PTER: variants seen among roughly 807,000 people sequenced by gnomAD.
The protein encoded by PTER is N-acetyltaurine hydrolase.
In PTER, 38 loss-of-function variants were observed where a neutral mutation model predicts 29.6. The observed-to-expected ratio is 1.28, with a 90% confidence interval of 0.99 to 1.68. The LOEUF is 1.68. Among genes scored for constraint, PTER ranks in the 40% most tolerant of loss-of-function variants. The pLI, the probability that PTER is intolerant of heterozygous loss-of-function variation, is 0.00. For synonymous variants in PTER, 172 were observed against 154.5 expected, an observed-to-expected ratio of 1.11 and a Z score of -0.84; for missense variants, 482 against 427.8, an observed-to-expected ratio of 1.13 and a Z score of -1.12.
chr10:16,505,653 A>C (rs1836531860), intron 4 of PTER, among the ~76,000 whole-genome samples: 1 of 152,244 alleles, frequency 6.6e-6, no homozygotes, highest in Non-Finnish European at 1.5e-5. Flanking sequence ...GCAACCTTCC[A>C]AAACTGTATA....
At chr10:16,451,662 A>C (rs1342216452) in intron 1 of PTER, among the ~76,000 whole-genome samples, 1 of 152,234 alleles carries the variant, frequency 6.6e-6, no homozygotes, top group Admixed American at 6.5e-5. Context: ...CAGTGAGCCA[A>C]GATTGTGCCA....
At chr10:16,485,239 A>G (rs1285591514) in intron 2 of PTER, among the ~76,000 whole-genome samples, 2 of 152,158 alleles carry the variant, frequency 1.3e-5, no homozygotes, top group African/African-American at 2.4e-5. Flanking sequence ...GATTCACTGT[A>G]GGGTGAAACT....
rs548587869 is a variant in PTER, at chr10:16,446,198, T to C, written c.-49+9151T>C. 9.2e-5 allele frequency among the ~76,000 whole-genome samples: 14 copies of C among 151,366 alleles called. No homozygotes were observed. The South Asian group carries it at 2.9e-3, about 32-fold the overall frequency. On this transcript the variant is annotated intron_variant, in intron 1 of 4. Coordinates refer to ENST00000535784, the MANE Select transcript of PTER (RefSeq NM_001261836.2). ...AAGGCTCTTACAAATAGAGGTGCAA[T>C]GCACGCCACCCCACCCCCAACATTT...
At chr10:16,503,707 T>C (rs940947931) in intron 3 of PTER, among the ~76,000 whole-genome samples, 3 of 152,042 alleles carry the variant, frequency 2.0e-5, no homozygotes, top group African/African-American at 7.2e-5. Context: ...CACCCAGCCA[T>C]TTTTGTATTT....
chr10:16,452,252 C>A (rs1834240197), intron 1 of PTER, among the ~76,000 whole-genome samples: 1 of 148,156 alleles, frequency 6.7e-6, no homozygotes, highest in Non-Finnish European at 1.5e-5. Context: ...TATAATATCA[C>A]AGTTTTTGAA....
chr10:16,466,024 A>G (rs1834799802), intron 1 of PTER, among the ~76,000 whole-genome samples: 1 of 152,178 alleles, frequency 6.6e-6, no homozygotes, highest in African/African-American at 2.4e-5. Context: ...GGGGATTACA[A>G]TTTGAGATGA....
chr10:16,466,560 TG>T (rs1195992976), intron 1 of PTER, among the ~76,000 whole-genome samples: 2 of 152,214 alleles, frequency 1.3e-5, no homozygotes, highest in Non-Finnish European at 2.9e-5. Context: ...CTTGCCATGT[TG>T]GCCAGGCTGG....
chr10:16,472,782 T>C (rs1835101980), intron 1 of PTER, among the ~76,000 whole-genome samples: 1 of 152,222 alleles, frequency 6.6e-6, no homozygotes, highest in East Asian at 1.9e-4. Flanking sequence ...TTTTCTATTA[T>C]GTTGTGCCAT....
downstream of PTER, among the ~76,000 whole-genome samples, chr10:16,518,475 G>A (rs1312556326): frequency 6.6e-6 from 1 of 152,114 alleles, no homozygotes; most frequent in African/African-American, 2.4e-5. Flanking sequence ...GAATGTGTGT[G>A]CTAGTGTGAT....
intron 1 of PTER, among the ~76,000 whole-genome samples, chr10:16,475,276 T>C (rs949300878): frequency 1.3e-5 from 2 of 152,158 alleles, no homozygotes; most frequent in African/African-American, 4.8e-5. Flanking sequence ...ATTCTGCCAG[T>C]TGCATTTAGC....
At chr10:16,438,567 C>T (rs11253990) in intron 1 of PTER, among the ~76,000 whole-genome samples, 18,381 of 150,250 alleles carry the variant, frequency 0.12, 1,760 homozygotes, top group African/African-American at 0.25. Context: ...CCTCGGCCTC[C>T]CAAAGTGCTA....
At chr10:16,514,323 A>T (rs369496544), downstream of PTER, 9 of 582,986 alleles carry the variant, frequency 1.5e-5, no homozygotes, top group East Asian at 2.5e-4. Flanking sequence ...GCGGTAGTGG[A>T]TCACACATCT....
At chr10:16,507,019 C>G (rs959678562) in intron 4 of PTER, among the ~76,000 whole-genome samples, 14 of 151,366 alleles carry the variant, frequency 9.2e-5, no homozygotes, top group Admixed American at 7.9e-4. Context: ...AAAATGGGAA[C>G]AGTTCAAGAG....
At chr10:16,451,525 A>G (rs1438937088) in intron 1 of PTER, among the ~76,000 whole-genome samples, 1 of 152,176 alleles carries the variant, frequency 6.6e-6, no homozygotes, top group East Asian at 1.9e-4. Flanking sequence ...CCTGGCCAAC[A>G]TTACTAAACC....
intron 4 of PTER, among the ~76,000 whole-genome samples, 158 bp from the exon 5 acceptor site, chr10:16,510,888 C>G (rs1473006460): frequency 6.6e-6 from 1 of 152,078 alleles, no homozygotes; most frequent in African/African-American, 2.4e-5. Flanking sequence ...TTTATCGTCA[C>G]CACACAATAT....
Position 16,511,230 on chromosome 10 carries a change from C to A in PTER, c.1024C>A (p.Pro342Thr). The A allele has an allele frequency of 6.2e-7, 1 of 1,613,964 alleles. No individual in the cohort carries two copies. Among genetic ancestry groups the A allele is most frequent in the Non-Finnish European group, 8.5e-7 (1 of 1,179,914 alleles). Reference protein sequence around the residue: ...NVLDKILIENPKQWLTFK With the variant: ...NVLDKILIENTKQWLTFK The stretch of plus-strand genomic sequence containing the variant: ...GCTTGATAAGATTCTAATAGAGAAC[C>A]CTAAGCAATGGCTAACTTTCAAATA... The change falls in exon 5 of 5, where the codon CCT becomes ACT. Residue 342 changes from proline (P) to threonine (T), a missense_variant. Pro to Thr is a conservative substitution (Grantham distance 38, BLOSUM62 -1). Transcript: ENST00000535784.
chr10:16,511,288 T>C lies in PTER; in HGVS notation c.*32T>C. ...TGCTTATGAATTCACACCTTGAGTA[T>C]AAAACTTGCAGAGAACATTCAGCGA... On this transcript the variant is annotated 3_prime_UTR_variant, in exon 5 of 5. Transcript: ENST00000535784. 6.4e-7 allele frequency: 1 copy of C among 1,572,494 alleles called. No homozygotes were observed. The highest frequency in any genetic ancestry group is 1.4e-5 in the African/African-American group (1 of 74,072).
At chr10:16,510,945 T>C in intron 4 of PTER, 101 bp from the exon 5 acceptor site, 2 of 966,432 alleles carry the variant, frequency 2.1e-6, no homozygotes, top group Non-Finnish European at 3.2e-6. Context: ...AGTCAGTATC[T>C]TTACGACAAG....
At chr10:16,503,035 T>C (rs1319904199) in intron 3 of PTER, among the ~76,000 whole-genome samples, 1 of 148,844 alleles carries the variant, frequency 6.7e-6, no homozygotes, top group Non-Finnish European at 1.5e-5. Context: ...TCTGACCTCT[T>C]AGAAGTAGAT....
Sources: allele counts gnomAD v4.1 joint callset (sites outside exome capture counted in the v4.1 genomes callset), GRCh38; gene constraint gnomAD v4.1.1; transcripts MANE v1.5; gene names NCBI Gene and HGNC (gene_info 2026-07-23, HGNC 2026-07-21).